TCF12: variants seen among roughly 807,000 people sequenced by gnomAD.
TCF12 encodes the protein transcription factor 12, also known as DNA-binding protein HTF4.
A neutral mutation model predicts 86.0 loss-of-function variants in TCF12; 45 were observed. That is an observed-to-expected ratio of 0.52 (90% confidence interval 0.41 to 0.67). TCF12 has a LOEUF of 0.67. Ranked by LOEUF, TCF12 falls within the 30% of genes least tolerant of loss-of-function variation. The probability of loss-of-function intolerance (pLI) is 0.00; values close to 1 mark genes in which losing one functional copy is unlikely to be tolerated. For missense variants in TCF12, 881 were observed against 859.9 expected, an observed-to-expected ratio of 1.02 and a Z score of -0.31; for synonymous variants, 330 against 299.6, an observed-to-expected ratio of 1.10 and a Z score of -1.05.
Position 57,270,456 on chromosome 15 carries a change from G to A in TCF12, c.1746-2574G>A, listed in dbSNP as rs537959089. Reference sequence around the variant, plus strand: ...TGCTGGATATTCTATTTAGCCATTCGTCTAACCTTTTTCCAAGGTTTTTTA... The same window carrying A: ...TGCTGGATATTCTATTTAGCCATTCATCTAACCTTTTTCCAAGGTTTTTTA... On this transcript the variant is annotated intron_variant, in intron 18 of 20. Transcript: ENST00000333725. Among the ~76,000 whole-genome samples, 9 of 152,236 alleles carry A rather than the reference G, an allele frequency of 5.9e-5. No individual in the cohort carries two copies. The South Asian group carries it at 1.7e-3, about 28-fold the overall frequency.
intron 6 of TCF12, among the ~76,000 whole-genome samples, chr15:57,172,197 G>A (rs2055558304): frequency 6.6e-6 from 1 of 152,082 alleles, no homozygotes; most frequent in South Asian, 2.1e-4. Flanking sequence ...ACATAACAAT[G>A]ACAGATGTGT....
chr15:57,061,605 A>G (rs1242934633), intron 3 of TCF12, among the ~76,000 whole-genome samples: 1 of 152,200 alleles, frequency 6.6e-6, no homozygotes, highest in East Asian at 1.9e-4. Context: ...CGCTGCCTCT[A>G]AATGAGATAA....
intron 3 of TCF12, among the ~76,000 whole-genome samples, chr15:57,006,653 G>A (rs967714007): frequency 5.9e-5 from 9 of 151,630 alleles, no homozygotes; most frequent in Admixed American, 2.0e-4. Flanking sequence ...GTGGTGGCTC[G>A]TGCCTGTAAT....
intron 4 of TCF12, among the ~76,000 whole-genome samples, chr15:57,076,331 A>C (rs1270526693): frequency 6.6e-6 from 1 of 152,118 alleles, no homozygotes; most frequent in African/African-American, 2.4e-5. Context: ...CTTAGTTTTT[A>C]ATAGGTTGTA....
At chr15:57,100,608 A>C (rs1046997523) in intron 5 of TCF12, among the ~76,000 whole-genome samples, 1 of 152,066 alleles carries the variant, frequency 6.6e-6, no homozygotes, top group East Asian at 1.9e-4. Context: ...TCATTTAATA[A>C]AGGCTTTCAG....
At chr15:57,161,598 T>C (rs1326535948) in intron 5 of TCF12, among the ~76,000 whole-genome samples, 1 of 152,178 alleles carries the variant, frequency 6.6e-6, no homozygotes, top group Admixed American at 6.6e-5. Flanking sequence ...TCTACTAGAG[T>C]TGGGTTTCTT....
intron 3 of TCF12, among the ~76,000 whole-genome samples, chr15:57,030,055 T>A (rs989246139): frequency 7.7e-6 from 1 of 130,272 alleles, no homozygotes; most frequent in East Asian, 2.3e-4. Context: ...TGTTTTTGTA[T>A]GAACATAAGT....
rs2052568748 is a variant in TCF12, at chr15:57,136,958, G to GTTTTTTTTGT, written c.326-29436_326-29435insGTTTTTTTTT. Among the ~76,000 whole-genome samples, 8 of 83,040 alleles carry GTTTTTTTTGT rather than the reference G, an allele frequency of 9.6e-5. 1 individual carries two copies. Among genetic ancestry groups the GTTTTTTTTGT allele is most frequent in the African/African-American group, 3.8e-4 (8 of 20,796 alleles). The allele number at this position is 83,040 out of a possible 152,430, so 54.5% of individuals were successfully genotyped here. A position where few individuals can be genotyped will look rare whatever the true frequency, so the allele number is the denominator to read the frequency against. ...TAGACAATAGCCACTGCTTCTGGCAGTTTTTTTTTTTGTTTTTTTTTTTTT... is the reference window on the plus strand; with the variant it reads ...TAGACAATAGCCACTGCTTCTGGCAGTTTTTTTTGTTTTTTTTTTTTGTTTTTTTTTTTTT... On this transcript the variant is annotated intron_variant, in intron 5 of 20. Transcript: ENST00000333725.
At chr15:57,286,073 G>A (rs963753726) in intron 20 of TCF12, 84 bp from the exon 21 acceptor site, 4 of 152,586 alleles carry the variant, frequency 2.6e-5, no homozygotes, top group African/African-American at 9.7e-5. Context: ...GCATTTTTTT[G>A]TTGGTGGGAG....
intron 3 of TCF12, among the ~76,000 whole-genome samples, chr15:57,007,108 A>G (rs2064427085): frequency 1.3e-5 from 2 of 152,336 alleles, no homozygotes; most frequent in South Asian, 2.1e-4. Context: ...TATACATTGT[A>G]TTCTACAAAG....
rs1159219311 is a variant in TCF12, at chr15:57,087,081, G to GTCTCCCTCTC, written c.223-4699_223-4698insCTCTCCCTCT. 1.5e-3 allele frequency among the ~76,000 whole-genome samples: 222 copies of GTCTCCCTCTC among 143,272 alleles called. 2 individuals carry two copies. The highest frequency in any genetic ancestry group is 5.7e-3 in the African/African-American group (213 of 37,568). The allele number at this position is 143,272 out of a possible 152,430, so 94.0% of individuals were successfully genotyped here. On this transcript the variant is annotated intron_variant, in intron 4 of 20. Transcript: ENST00000333725. Reference sequence around the variant, plus strand: ...CCTCTGTCTCCCTCTCTCTCCCTCTGTCTCCCTCTGTCTCCCTCTCTCTCC... The same window carrying GTCTCCCTCTC: ...CCTCTGTCTCCCTCTCTCTCCCTCTGTCTCCCTCTCTCTCCCTCTGTCTCCCTCTCTCTCC...
chr15:56,929,966 G>A (rs1005339288), intron 3 of TCF12, among the ~76,000 whole-genome samples: 10 of 152,146 alleles, frequency 6.6e-5, no homozygotes, highest in African/African-American at 2.4e-4. Context: ...CTCAAAAGTT[G>A]TCAGTGTATT....
Position 57,007,780 on chromosome 15 carries a change from T to C in TCF12, c.149-55970T>C, listed in dbSNP as rs888620984. 1.1e-4 allele frequency among the ~76,000 whole-genome samples: 8 copies of C among 70,884 alleles called. No individual in the cohort carries two copies. The South Asian group carries it at 1.7e-3, about 15-fold the overall frequency. 46.5% of individuals were successfully genotyped at this position (70,884 alleles called of 152,430 possible). On this transcript the variant is annotated intron_variant, in intron 3 of 20. Transcript: ENST00000333725. ...CTTCTTTCTTTCTTTCTTTCTTTCT[T>C]TCTTTCTTTCTCTCTTTCTTTCTTT... is the stretch of plus-strand genomic sequence containing the variant.
intron 3 of TCF12, among the ~76,000 whole-genome samples, chr15:56,952,671 CTGATTAATTTT>C (rs1282185148): frequency 1.3e-5 from 2 of 152,016 alleles, no homozygotes; most frequent in African/African-American, 4.8e-5. Context: ...AATTCAATTT[CTGATTAATTTT>C]TAGAATATAG....
intron 6 of TCF12, among the ~76,000 whole-genome samples, chr15:57,181,965 G>T (rs1444231166): frequency 6.6e-6 from 1 of 152,140 alleles, no homozygotes; most frequent in Non-Finnish European, 1.5e-5. Context: ...TTCTATAAAA[G>T]ATAGTCTAGA....
chr15:57,227,113 A>T lies in TCF12; in HGVS notation c.580-4039A>T, dbSNP rs916672314. 7.2e-5 allele frequency among the ~76,000 whole-genome samples: 11 copies of T among 152,280 alleles called. No individual in the cohort carries two copies. In the East Asian group the frequency reaches 2.1e-3, roughly 29 times the overall value. ...CCTTAAAAAGTATCAGCCACCACAC[A>T]GGCTGTAGATCTGATTTTTAAAGTA... On this transcript the variant is annotated intron_variant, in intron 8 of 20. Coordinates refer to ENST00000333725, the MANE Select transcript of TCF12 (RefSeq NM_207037.2).
At chr15:56,982,010 A>G (rs1255174003) in intron 3 of TCF12, among the ~76,000 whole-genome samples, 1 of 152,108 alleles carries the variant, frequency 6.6e-6, no homozygotes, top group Non-Finnish European at 1.5e-5. Flanking sequence ...TTGGGGGAAA[A>G]AAACACATGT....
chr15:57,075,778 CTTTCTTTCTTTCTTTCTTTCTT>C (rs1251900409), intron 4 of TCF12, among the ~76,000 whole-genome samples: 1 of 50,972 alleles, frequency 2.0e-5, no homozygotes, highest in Admixed American at 2.5e-4. Flanking sequence ...TTCTTTCTTT[CTTTCTTTCTTTCTTTCTTTCTT>C]TCTTTCTCTC....
Position 56,985,026 on chromosome 15 carries a change from G to A in TCF12, c.148+63928G>A, listed in dbSNP as rs2063114415. ...CAACTAAAAGTCAGGCCCTGAATCA[G>A]TCAGAGGAAATGAACTCTTGGGTTG... On this transcript the variant is annotated intron_variant, in intron 3 of 20. Coordinates refer to ENST00000333725, the MANE Select transcript of TCF12 (RefSeq NM_207037.2). Among the ~76,000 whole-genome samples, 4 of 152,180 alleles carry A rather than the reference G, an allele frequency of 2.6e-5. No homozygotes were observed. The South Asian group carries it at 8.3e-4, about 32-fold the overall frequency.
Sources: allele counts gnomAD v4.1 joint callset (sites outside exome capture counted in the v4.1 genomes callset), GRCh38; gene constraint gnomAD v4.1.1; transcripts MANE v1.5; gene names NCBI Gene and HGNC (gene_info 2026-07-23, HGNC 2026-07-21).